The following TAC3 variants were observed in gnomAD, a reference collection of about 807,000 sequenced individuals.
TAC3 encodes the protein tachykinin precursor 3, also known as tachykinin-3.
In TAC3, 9 loss-of-function variants were observed where a neutral mutation model predicts 16.5. That is an observed-to-expected ratio of 0.55 (90% CI 0.33 to 0.95). The LOEUF (loss-of-function observed/expected upper bound fraction) is 0.95. Among genes scored for constraint, TAC3 ranks in the 40% least tolerant of loss-of-function variants. The probability of loss-of-function intolerance (pLI) is 0.03; values close to 1 mark genes in which losing one functional copy is unlikely to be tolerated. For synonymous variants in TAC3, 52 were observed against 56.7 expected (o/e 0.92, Z 0.37); for missense variants, 129 against 149.1 (o/e 0.87, Z 0.70).
intron 6 of TAC3, among the ~76,000 whole-genome samples, chr12:57,011,098 A>C (rs1354827884): frequency 6.6e-6 from 1 of 152,192 alleles, no homozygotes; most frequent in Non-Finnish European, 1.5e-5. Flanking sequence ...TAACCATCTA[A>C]TGAGAGCAAA....
At chr12:57,013,459 C>A in intron 3 of TAC3, 71 bp from the exon 4 acceptor site, 1 of 1,599,956 alleles carries the variant, frequency 6.3e-7, no homozygotes. Flanking sequence ...GTTCAGATCA[C>A]AACCCTCACC....
At chr12:57,015,125 C>G (rs913196540) in intron 2 of TAC3, among the ~76,000 whole-genome samples, 1 of 151,808 alleles carries the variant, frequency 6.6e-6, no homozygotes, top group African/African-American at 2.4e-5. Flanking sequence ...AGGATAGAGG[C>G]GGGCAAGGGA....
intron 4 of TAC3, 140 bp downstream of exon 4, chr12:57,013,219 G>A (rs2136418815): frequency 1.8e-6 from 2 of 1,133,160 alleles, no homozygotes; most frequent in South Asian, 1.3e-5. Flanking sequence ...TCCCTTTCAG[G>A]AAAGGTTGGC....
Position 57,013,552 on chromosome 12 carries a change from C to T in TAC3, c.208+26G>A, listed in dbSNP as rs748735094. The T allele has an allele frequency of 5.0e-6, 8 of 1,609,076 alleles. No individual in the cohort carries two copies. In the South Asian group the frequency reaches 8.8e-5, roughly 18 times the overall value. On this transcript the variant is annotated intron_variant, in intron 3 of 6. Coordinates refer to ENST00000458521, the MANE Select transcript of TAC3 (RefSeq NM_013251.4). The stretch of plus-strand genomic sequence containing the variant: ...ATCTTCAGAATCCTGCCCCTCATTC[C>T]CCTCTCCCCTAGGGCCGCCTCCTAC...
At chr12:57,012,342 CAGT>C in intron 6 of TAC3, 33 bp downstream of exon 6, 1 of 1,581,960 alleles carries the variant, frequency 6.3e-7, no homozygotes, top group Non-Finnish European at 8.7e-7. Context: ...GCCCCCTCCC[CAGT>C]CCCCTCTCCC....
At chr12:57,015,052 T>G (rs1956353779) in intron 2 of TAC3, among the ~76,000 whole-genome samples, 1 of 152,150 alleles carries the variant, frequency 6.6e-6, no homozygotes, top group Non-Finnish European at 1.5e-5. Context: ...GTAAAGGAAC[T>G]GTGGAAATCG....
chr12:57,012,914 G>C (rs758831066), intron 4 of TAC3, 39 bp from the exon 5 acceptor site: 20 of 1,613,050 alleles, frequency 1.2e-5, no homozygotes, highest in Non-Finnish European at 1.4e-5. Context: ...GTGATGATGA[G>C]AAAGTGAAGC....
chr12:57,012,234 C>T, intron 6 of TAC3, 144 bp downstream of exon 6: 1 of 748,728 alleles, frequency 1.3e-6, no homozygotes, highest in Non-Finnish European at 2.3e-6. Context: ...TTGTGTTTGG[C>T]CGACAGTGTG....
chr12:57,015,146 G>T (rs1045810506), intron 2 of TAC3, among the ~76,000 whole-genome samples: 11 of 152,178 alleles, frequency 7.2e-5, no homozygotes, highest in African/African-American at 2.4e-4. Context: ...GAAAAGAGAA[G>T]AAGGAAGGGG....
At chr12:57,011,088 T>G (rs1182631424) in intron 6 of TAC3, among the ~76,000 whole-genome samples, 2 of 152,180 alleles carry the variant, frequency 1.3e-5, no homozygotes, top group Non-Finnish European at 2.9e-5. Context: ...AGGACTGAAA[T>G]AACCATCTAA....
chr12:57,011,651 T>G (rs1484600644), intron 6 of TAC3, among the ~76,000 whole-genome samples: 1 of 152,200 alleles, frequency 6.6e-6, no homozygotes, highest in African/African-American at 2.4e-5. Context: ...CACCCGGCAC[T>G]GTTCTGAACA....
In TAC3 at chr12:57,015,693, G is replaced by T; in HGVS notation, c.105C>A (p.Gly35=). 1 of 1,613,652 alleles carries T rather than the reference G, an allele frequency of 6.2e-7. No individual in the cohort carries two copies. Among genetic ancestry groups the T allele is most frequent in the Admixed American group, 1.7e-5 (1 of 60,018 alleles). ...EPQEEVVPGG[G]RSKRDPDLYQ... Reference sequence around the variant, plus strand: ...GCCAGGGGAGACTTACCTTGCTGCGGCCCCCGCCAGGAACCACCTCCTCCT... The same window carrying T: ...GCCAGGGGAGACTTACCTTGCTGCGTCCCCCGCCAGGAACCACCTCCTCCT... Residue 35 remains glycine, a synonymous_variant, in exon 2 of 7, where the codon GGC becomes GGA. Coordinates refer to ENST00000458521, the MANE Select transcript of TAC3 (RefSeq NM_013251.4).
At chr12:57,012,132 A>G in intron 6 of TAC3, 1 of 537,092 alleles carries the variant, frequency 1.9e-6, no homozygotes, top group South Asian at 2.0e-5. Context: ...CCCAACACTC[A>G]CTCCTGCTCA....
At chr12:57,012,792 C>A in intron 5 of TAC3, 30 bp downstream of exon 5, 1 of 1,614,134 alleles carries the variant, frequency 6.2e-7, no homozygotes, top group Non-Finnish European at 8.5e-7. Flanking sequence ...GTACCCTAAG[C>A]CCTTCCACTG....
intron 5 of TAC3, 163 bp from the exon 6 acceptor site, chr12:57,012,615 G>A: frequency 6.2e-7 from 1 of 1,612,556 alleles, no homozygotes. Context: ...GCTGCAACAG[G>A]ACTACCTTAT....
intron 6 of TAC3, among the ~76,000 whole-genome samples, chr12:57,011,704 A>G (rs763293322): frequency 2.0e-5 from 3 of 152,242 alleles, no homozygotes; most frequent in Non-Finnish European, 4.4e-5. Flanking sequence ...CCTGTGAGAT[A>G]CTATTATCAC....
At chr12:57,015,643 G>A in intron 2 of TAC3, 41 bp downstream of exon 2, 1 of 1,583,096 alleles carries the variant, frequency 6.3e-7, no homozygotes, top group Non-Finnish European at 8.7e-7. Flanking sequence ...AGAGTCCCAA[G>A]TTCCCGTGAT....
At position 57,013,558 on chromosome 12, in the gene TAC3, C is replaced by T; in HGVS notation, c.208+20G>A. 1 of 1,610,992 alleles carries T rather than the reference C, an allele frequency of 6.2e-7. No homozygotes were observed. The highest frequency in any genetic ancestry group is 8.5e-7 in the Non-Finnish European group (1 of 1,178,548). Reference sequence around the variant, plus strand: ...AGAATCCTGCCCCTCATTCCCCTCTCCCCTAGGGCCGCCTCCTACCTGTGC... The same window carrying T: ...AGAATCCTGCCCCTCATTCCCCTCTTCCCTAGGGCCGCCTCCTACCTGTGC... On this transcript the variant is annotated intron_variant, in intron 3 of 6. Transcript: ENST00000458521.
chr12:57,010,299 A>G lies in TAC3; in HGVS notation c.*2-11T>C, dbSNP rs1221717214. On this transcript the variant is annotated splice_polypyrimidine_tract_variant and intron_variant, in intron 6 of 6. Coordinates refer to ENST00000458521, the MANE Select transcript of TAC3 (RefSeq NM_013251.4). ...TCCGGAAGTGGAGTACTGAGGACAA[A>G]AAACAAAACAAAACAAAAAAAAACA... is the stretch of plus-strand genomic sequence containing the variant. 2.5e-6 allele frequency: 1 copy of G among 397,332 alleles called. No individual in the cohort carries two copies. Among genetic ancestry groups the G allele is most frequent in the Admixed American group, 3.1e-5 (1 of 32,180 alleles). The allele number at this position is 397,332 out of a possible 1,614,324, so 24.6% of individuals were successfully genotyped here.
Sources: allele counts gnomAD v4.1 joint callset (sites outside exome capture counted in the v4.1 genomes callset), GRCh38; gene constraint gnomAD v4.1.1; transcripts MANE v1.5; gene names NCBI Gene and HGNC (gene_info 2026-07-23, HGNC 2026-07-21).